HPS5: variants seen among roughly 807,000 people sequenced by gnomAD.
HPS5 encodes the protein HPS5 biogenesis of lysosomal organelles complex 2 subunit 2.
Under a neutral mutation model 128.0 loss-of-function variants are expected in HPS5, and 83 were observed. The ratio of observed to expected loss-of-function variants is 0.65; its 90% CI spans 0.54 to 0.78. The LOEUF is 0.78. Ranked by LOEUF, HPS5 falls within the 30% of genes least tolerant of loss-of-function variation. The pLI is 0.00. For synonymous variants in HPS5, 475 were observed against 470.2 expected (o/e 1.01, Z -0.13); for missense variants, 1,281 against 1,326.2 (o/e 0.97, Z 0.53).
At chr11:18,320,185 GAC>G (rs1354493126) in intron 1 of HPS5, among the ~76,000 whole-genome samples, 1 of 152,160 alleles carries the variant, frequency 6.6e-6, no homozygotes, top group African/African-American at 2.4e-5. Context: ...GCTGCTGAAT[GAC>G]AGTGTTAAAC....
intron 18 of HPS5, 182 bp from the exon 19 acceptor site, chr11:18,286,892 T>C: frequency 1.7e-6 from 1 of 591,904 alleles, no homozygotes; most frequent in Non-Finnish European, 2.7e-6. Flanking sequence ...ACAAAGAAAA[T>C]GTCAAAGGGC....
In HPS5 at chr11:18,279,753, A is replaced by G; in HGVS notation, c.*129T>C. ...TGCCAAGGGTACAGACACTGACAAAAGTAGCCCCAATAAGATGGCAGGATT... is the reference window on the plus strand; with the variant it reads ...TGCCAAGGGTACAGACACTGACAAAGGTAGCCCCAATAAGATGGCAGGATT... On this transcript the variant is annotated 3_prime_UTR_variant, in exon 23 of 23. Transcript: ENST00000349215. 1.2e-6 allele frequency: 1 copy of G among 851,980 alleles called. No individual in the cohort carries two copies. Among genetic ancestry groups the G allele is most frequent in the Non-Finnish European group, 2.0e-6 (1 of 508,100 alleles). 52.8% of individuals were successfully genotyped at this position (851,980 alleles called of 1,614,324 possible). A position where few individuals can be genotyped will look rare whatever the true frequency, so the allele number is the denominator to read the frequency against.
chr11:18,312,510 C>G (rs139680579), intron 2 of HPS5, among the ~76,000 whole-genome samples: 19 of 152,300 alleles, frequency 1.2e-4, no homozygotes, highest in African/African-American at 4.3e-4. Flanking sequence ...GTGCCCAATA[C>G]CCCGTGGTAA....
At chr11:18,304,410 T>C (rs1862105003) in intron 8 of HPS5, among the ~76,000 whole-genome samples, 1 of 151,778 alleles carries the variant, frequency 6.6e-6, no homozygotes, top group South Asian at 2.1e-4. Flanking sequence ...AGAGACGGGG[T>C]TTCTCCATGT....
intron 20 of HPS5, 49 bp from the exon 21 acceptor site, chr11:18,283,950 T>C (rs1335808400): frequency 1.5e-6 from 2 of 1,292,352 alleles, no homozygotes; most frequent in East Asian, 4.6e-5. Flanking sequence ...CATGAATTTA[T>C]CTGGAGCTGT....
chr11:18,321,496 C>A (rs191725797), intron 1 of HPS5, among the ~76,000 whole-genome samples: 3 of 152,352 alleles, frequency 2.0e-5, no homozygotes, highest in Non-Finnish European at 4.4e-5. Context: ...TTTTGGGAGA[C>A]TGGCTTGCCC....
rs148394971 is a variant in HPS5 at position 18,293,439 on chromosome 11, G to A, written c.1785-463C>T. On this transcript the variant is annotated intron_variant, in intron 14 of 22. Transcript: ENST00000349215. ...CACCTGCCTCGGCCTCCTAAAGTGC[G>A]TGAGCCACCGCACCTGACCCTTGGA... Among the ~76,000 whole-genome samples the A allele has an allele frequency of 3.7e-3, 557 of 152,150 alleles. 2 individuals are homozygous for A. The highest frequency in any genetic ancestry group is 0.012 in the African/African-American group (478 of 41,538).
At chr11:18,312,487 C>T (rs2133866656) in intron 2 of HPS5, among the ~76,000 whole-genome samples, 1 of 152,342 alleles carries the variant, frequency 6.6e-6, no homozygotes, top group Admixed American at 6.5e-5. Context: ...TCAGAGAATG[C>T]AGTGGTCATG....
chr11:18,285,494 G>T, intron 19 of HPS5, 35 bp from the exon 20 acceptor site: 1 of 1,375,744 alleles, frequency 7.3e-7, no homozygotes, highest in Non-Finnish European at 1.0e-6. Flanking sequence ...AATTAGATAG[G>T]AAATAAACTC....
chr11:18,300,353 T>G (rs1861548797), intron 9 of HPS5, among the ~76,000 whole-genome samples: 1 of 152,078 alleles, frequency 6.6e-6, no homozygotes, highest in Admixed American at 6.5e-5. Context: ...GTTTGGGAAG[T>G]AACTTACAAT....
intron 19 of HPS5, 67 bp from the exon 20 acceptor site, chr11:18,285,526 C>A (rs976159879): frequency 4.3e-5 from 45 of 1,056,494 alleles, no homozygotes; most frequent in Non-Finnish European, 6.1e-5. Context: ...TATTTATCAC[C>A]TAATAGGTAA....
chr11:18,310,668 C>T, intron 5 of HPS5, 73 bp downstream of exon 5: 1 of 1,210,594 alleles, frequency 8.3e-7, no homozygotes, highest in Non-Finnish European at 1.2e-6. Context: ...AAAATCACAT[C>T]CTTTAATTGG....
chr11:18,311,348 A>C, intron 4 of HPS5, 39 bp downstream of exon 4: 1 of 1,389,970 alleles, frequency 7.2e-7, no homozygotes, highest in Admixed American at 1.7e-5. Context: ...TTTAAAATGC[A>C]TTTGAAAAAG....
rs1456388282 is a variant in HPS5 at position 18,287,448 on chromosome 11, C to G, written c.2717+87G>C. The stretch of plus-strand genomic sequence containing the variant: ...TGTGCCTCAACCCCTTGGTAATTAA[C>G]AGTACACAATGTGACACCTGCTTAT... On this transcript the variant is annotated intron_variant, in intron 18 of 22. Coordinates refer to ENST00000349215, the MANE Select transcript of HPS5 (RefSeq NM_181507.2). 5 of 1,433,324 alleles carry G rather than the reference C, an allele frequency of 3.5e-6. No homozygotes were observed. In the African/African-American group the frequency reaches 7.0e-5, roughly 20 times the overall value. 88.8% of individuals were successfully genotyped at this position (1,433,324 alleles called of 1,614,324 possible).
At position 18,278,743 on chromosome 11, in the gene HPS5, T is replaced by A. The variant is rs907348669; in HGVS notation, c.*1139A>T. ...AAATGCTCATAATAAACCTCCTGTCTACATTGTGTTCCAATGAAAACTTTA... is the reference window on the plus strand; with the variant it reads ...AAATGCTCATAATAAACCTCCTGTCAACATTGTGTTCCAATGAAAACTTTA... On this transcript the variant is annotated 3_prime_UTR_variant, in exon 23 of 23. Coordinates refer to ENST00000349215, the MANE Select transcript of HPS5 (RefSeq NM_181507.2). The A allele has an allele frequency of 3.3e-5, 5 of 152,320 alleles. No homozygotes were observed. Among genetic ancestry groups the A allele is most frequent in the Non-Finnish European group, 5.9e-5 (4 of 68,042 alleles). The allele number at this position is 152,320 out of a possible 1,614,324, so 9.4% of individuals were successfully genotyped here.
intron 14 of HPS5, among the ~76,000 whole-genome samples, chr11:18,293,556 G>A (rs535600601): frequency 1.3e-5 from 2 of 152,242 alleles, no homozygotes; most frequent in East Asian, 3.9e-4. Context: ...TGGCCTCAAG[G>A]TGATAAGCTC....
chr11:18,295,361 A>G (rs1024357116), intron 13 of HPS5, among the ~76,000 whole-genome samples, 192 bp from the exon 14 acceptor site: 3 of 152,214 alleles, frequency 2.0e-5, no homozygotes, highest in Admixed American at 6.5e-5. Flanking sequence ...AATGATTCAC[A>G]TTATTTACTA....
chr11:18,282,144 G>C lies in HPS5; in HGVS notation c.3135C>G (p.Pro1045=). The change falls in exon 22 of 23, where the codon CCC becomes CCG. Residue 1045 remains proline, a synonymous_variant. Coordinates refer to ENST00000349215, the MANE Select transcript of HPS5 (RefSeq NM_181507.2). ...TGAGGCTCCCATTTAGTGACTCCTG[G>C]GGGGCTGGCCTCGTGCTCTTGCTCT... ...LIQSKSTRPA[P]QESLNGSLSD... is the part of the protein sequence containing the mutation. 2.5e-6 allele frequency: 4 copies of C among 1,614,112 alleles called. No individual in the cohort carries two copies. The highest frequency in any genetic ancestry group is 2.5e-6 in the Non-Finnish European group (3 of 1,180,018).
At chr11:18,317,193 CA>C (rs113486556) in intron 2 of HPS5, among the ~76,000 whole-genome samples, 137,822 of 139,918 alleles carry the variant, frequency 0.99, 67,884 homozygotes, top group East Asian at 1. Context: ...GACTCCGTCT[CA>C]AAAAAAAAAA....
Sources: allele counts gnomAD v4.1 joint callset (sites outside exome capture counted in the v4.1 genomes callset), GRCh38; gene constraint gnomAD v4.1.1; transcripts MANE v1.5; gene names NCBI Gene and HGNC (gene_info 2026-07-23, HGNC 2026-07-21).